TCF12: variants seen among roughly 807,000 people sequenced by gnomAD.
TCF12 encodes the protein DNA-binding protein HTF4.
A neutral mutation model predicts 86.0 loss-of-function variants in TCF12; 45 were observed. The ratio of observed to expected loss-of-function variants is 0.52; its 90% CI spans 0.41 to 0.67. The LOEUF (loss-of-function observed/expected upper bound fraction) is 0.67. Among genes scored for constraint, TCF12 ranks in the 30% least tolerant of loss-of-function variants. The pLI, the probability that TCF12 is intolerant of heterozygous loss-of-function variation, is 0.00. For synonymous variants in TCF12, 330 were observed against 299.6 expected, an observed-to-expected ratio of 1.10 and a Z score of -1.05; for missense variants, 881 against 859.9, an observed-to-expected ratio of 1.02 and a Z score of -0.31.
intron 18 of TCF12, among the ~76,000 whole-genome samples, chr15:57,267,522 A>G (rs2060925626): frequency 6.6e-6 from 1 of 152,220 alleles, no homozygotes. Context: ...AGGAATCAGC[A>G]AACTTTCTCT....
intron 19 of TCF12, 37 bp downstream of exon 19, chr15:57,273,299 T>C (rs780244261): frequency 1.3e-6 from 2 of 1,589,940 alleles, no homozygotes; most frequent in East Asian, 2.2e-5. Flanking sequence ...ACTGTTCTGC[T>C]TCAGATGGGC....
chr15:56,958,291 T>G (rs1289221430), intron 3 of TCF12, among the ~76,000 whole-genome samples: 1 of 152,202 alleles, frequency 6.6e-6, no homozygotes, highest in East Asian at 1.9e-4. Flanking sequence ...TAAGTTTGTG[T>G]GTTTGTGGAG....
At chr15:56,992,153 C>T (rs1457442048) in intron 3 of TCF12, among the ~76,000 whole-genome samples, 1 of 151,490 alleles carries the variant, frequency 6.6e-6, no homozygotes, top group African/African-American at 2.4e-5. Context: ...TGCTTCTGGT[C>T]CCACTTACTC....
rs541290911 is a variant in TCF12, at chr15:57,111,087, C to T, written c.325+19196C>T. Among the ~76,000 whole-genome samples, 24 of 152,200 alleles carry T rather than the reference C, an allele frequency of 1.6e-4. No individual in the cohort carries two copies. The South Asian group carries it at 5.0e-3, about 32-fold the overall frequency. On this transcript the variant is annotated intron_variant, in intron 5 of 20. Transcript: ENST00000333725. ...AATGGAATCATCTTTTTAACGTCCTCTCTTTTTTGGCCTGCTGTGATCATA... is the reference window on the plus strand; with the variant it reads ...AATGGAATCATCTTTTTAACGTCCTTTCTTTTTTGGCCTGCTGTGATCATA...
chr15:56,984,610 C>T (rs1212088854), intron 3 of TCF12, among the ~76,000 whole-genome samples: 2 of 152,090 alleles, frequency 1.3e-5, no homozygotes, highest in African/African-American at 4.8e-5. Flanking sequence ...TGCTGTTTTA[C>T]TAATTCTTCT....
At chr15:57,219,866 C>T (rs1299289891) in intron 8 of TCF12, among the ~76,000 whole-genome samples, 1 of 151,864 alleles carries the variant, frequency 6.6e-6, no homozygotes, top group East Asian at 1.9e-4. Context: ...GCTGGGATTA[C>T]AGGCACCCGC....
intron 5 of TCF12, among the ~76,000 whole-genome samples, chr15:57,109,777 T>C (rs2050368625): frequency 6.6e-6 from 1 of 152,224 alleles, no homozygotes; most frequent in South Asian, 2.1e-4. Flanking sequence ...TAAAATGTCA[T>C]TAGATATTCT....
At chr15:57,012,677 C>T (rs1160639056) in intron 3 of TCF12, among the ~76,000 whole-genome samples, 1 of 152,174 alleles carries the variant, frequency 6.6e-6, no homozygotes, top group Admixed American at 6.5e-5. Context: ...ACTAAGTCCT[C>T]AGCTGGACTT....
At chr15:57,164,077 G>T (rs2054688149) in intron 5 of TCF12, among the ~76,000 whole-genome samples, 2 of 152,138 alleles carry the variant, frequency 1.3e-5, no homozygotes, top group Non-Finnish European at 2.9e-5. Flanking sequence ...AATCCAGCAT[G>T]TCAAAGCACC....
chr15:56,988,204 T>G (rs943043190), intron 3 of TCF12, among the ~76,000 whole-genome samples: 9 of 152,200 alleles, frequency 5.9e-5, no homozygotes, highest in African/African-American at 2.2e-4. Flanking sequence ...TTGACAGGGA[T>G]AAGTTGTAAG....
At chr15:57,064,820 G>GAA (rs2068741830) in intron 4 of TCF12, among the ~76,000 whole-genome samples, 1 of 131,028 alleles carries the variant, frequency 7.6e-6, no homozygotes, top group Non-Finnish European at 1.5e-5. Context: ...AAAAGAGAGA[G>GAA]AGAGAAAGAC....
intron 20 of TCF12, among the ~76,000 whole-genome samples, chr15:57,283,642 A>G (rs1272279510): frequency 1.3e-5 from 2 of 152,226 alleles, no homozygotes; most frequent in Non-Finnish European, 2.9e-5. Context: ...AAAGGTAGTA[A>G]GTAAAGGCAG....
chr15:56,973,110 A>G (rs1356843788), intron 3 of TCF12, among the ~76,000 whole-genome samples: 1 of 152,042 alleles, frequency 6.6e-6, no homozygotes, highest in Non-Finnish European at 1.5e-5. Context: ...ACTCGAAGGA[A>G]GAGATCCTGT....
At chr15:57,039,545 A>G (rs2066755665) in intron 3 of TCF12, among the ~76,000 whole-genome samples, 1 of 151,992 alleles carries the variant, frequency 6.6e-6, no homozygotes, top group Non-Finnish European at 1.5e-5. Flanking sequence ...TTTCTCTGTC[A>G]GACCCTTCCT....
intron 8 of TCF12, among the ~76,000 whole-genome samples, chr15:57,208,389 T>TTTTTTTTTTC (rs1555395452): frequency 0.25 from 26,892 of 107,534 alleles, 5,093 homozygotes; most frequent in African/African-American, 0.29. Context: ...CCTTTTTTTT[T>TTTTTTTTTTC]TTTTTTTTTT....
At chr15:57,007,857 CCTTCCTTCCTTCCTTCCTT>C (rs2064536064) in intron 3 of TCF12, among the ~76,000 whole-genome samples, 5 of 7,954 alleles carry the variant, frequency 6.3e-4, no homozygotes, top group East Asian at 5.8e-3. Context: ...TCCCTCCCTT[CCTTCCTTCCTTCCTTCCTT>C]CCTTCCTTCC....
At chr15:56,931,349 G>A (rs1367785582) in intron 3 of TCF12, among the ~76,000 whole-genome samples, 3 of 152,022 alleles carry the variant, frequency 2.0e-5, no homozygotes, top group African/African-American at 7.3e-5. Context: ...ATATTTCTCT[G>A]GTCAGTTAAA....
intron 13 of TCF12, among the ~76,000 whole-genome samples, chr15:57,249,706 A>C (rs997683): frequency 0.65 from 99,442 of 152,044 alleles, 34,775 homozygotes; most frequent in Non-Finnish European, 0.8. Context: ...TTCCTAAGTA[A>C]GGCAAATTGA....
At chr15:56,928,847 TGACTG>T (rs2060126664) in intron 3 of TCF12, among the ~76,000 whole-genome samples, 1 of 152,132 alleles carries the variant, frequency 6.6e-6, no homozygotes, top group Admixed American at 6.5e-5. Flanking sequence ...AAAAATTACT[TGACTG>T]GAAAGGATAG....
Sources: allele counts gnomAD v4.1 joint callset (sites outside exome capture counted in the v4.1 genomes callset), GRCh38; gene constraint gnomAD v4.1.1; transcripts MANE v1.5; gene names NCBI Gene and HGNC (gene_info 2026-07-23, HGNC 2026-07-21).